Variants in NTM observed in about 807,000 individuals in gnomAD.
The protein encoded by NTM is neurotrimin.
A neutral mutation model predicts 42.1 loss-of-function variants in NTM; 13 were observed. The observed-to-expected ratio is 0.31, with a 90% CI of 0.20 to 0.49. NTM has a LOEUF of 0.49. Ranked by LOEUF, NTM falls within the 20% of genes least tolerant of loss-of-function variation. The pLI is 0.99. For missense variants in NTM, 373 were observed against 452.8 expected, an observed-to-expected ratio of 0.82 and a Z score of 1.60; for synonymous variants, 187 against 179.2, an observed-to-expected ratio of 1.04 and a Z score of -0.35.
chr11:132,090,138 A>C (rs1311636434), intron 2 of NTM, among the ~76,000 whole-genome samples: 4 of 152,212 alleles, frequency 2.6e-5, no homozygotes, highest in Non-Finnish European at 5.9e-5. Flanking sequence ...AAGGAAAGAC[A>C]GTTAAAAAGT....
intron 3 of NTM, among the ~76,000 whole-genome samples, chr11:132,149,231 C>CAAAAAAAAAAAA (rs59485155): frequency 2.0e-4 from 24 of 122,898 alleles, no homozygotes; most frequent in Non-Finnish European, 3.0e-4. Flanking sequence ...TCCTGGATTA[C>CAAAAAAAAAAAA]AAAAAAAAAA....
At chr11:132,267,852 A>C (rs920847717) in intron 4 of NTM, among the ~76,000 whole-genome samples, 1 of 152,004 alleles carries the variant, frequency 6.6e-6, no homozygotes, top group African/African-American at 2.4e-5. Flanking sequence ...AAAAAAAAAA[A>C]AACAAAAAAA....
rs151265121 is a variant in NTM, at chr11:131,578,537, A to G, written c.82+207649A>G. ...CAGAGACAGGGGAGCTACATACATA[A>G]AATAACTCTTTCATTCATTCTTTCT... is the stretch of plus-strand genomic sequence containing the variant. On this transcript the variant is annotated intron_variant, in intron 1 of 8. Transcript: ENST00000683400. Among the ~76,000 whole-genome samples, 25 of 152,298 alleles carry G rather than the reference A, an allele frequency of 1.6e-4. No homozygotes were observed. The East Asian group carries it at 4.5e-3, about 27-fold the overall frequency.
chr11:131,515,820 G>C (rs1355191135), intron 1 of NTM, among the ~76,000 whole-genome samples: 2 of 152,184 alleles, frequency 1.3e-5, no homozygotes, highest in African/African-American at 4.8e-5. Flanking sequence ...AAAGCTTCCT[G>C]TGGATGCCCA....
chr11:131,692,293 A>G (rs1304611521), intron 1 of NTM, among the ~76,000 whole-genome samples: 1 of 152,032 alleles, frequency 6.6e-6, no homozygotes, highest in African/African-American at 2.4e-5. Flanking sequence ...TGATGCTGAC[A>G]CAGGGCTAGC....
chr11:132,185,710 TA>T (rs1261083927), intron 3 of NTM, among the ~76,000 whole-genome samples: 1 of 152,136 alleles, frequency 6.6e-6, no homozygotes, highest in Non-Finnish European at 1.5e-5. Context: ...TTTTAAAAGA[TA>T]TGTTGGTTTA....
intron 1 of NTM, among the ~76,000 whole-genome samples, chr11:131,640,392 C>T (rs1466211731): frequency 6.6e-6 from 1 of 152,160 alleles, no homozygotes; most frequent in African/African-American, 2.4e-5. Context: ...TTCGTTCTTA[C>T]CTGTGGAAAG....
At chr11:131,483,424 C>CAAA (rs1953824856) in intron 1 of NTM, among the ~76,000 whole-genome samples, 1 of 151,964 alleles carries the variant, frequency 6.6e-6, no homozygotes. Context: ...AGGCCTAGTG[C>CAAA]CATAGAGCGA....
In NTM at chr11:131,712,826, A is replaced by ACC. The variant is rs145133444; in HGVS notation, c.83-198736_83-198735dup. ...TCAAACTCCTGAGTTCAAACAATCC[A>ACC]CCCACCTCAGGCTCCCAAATTCCTG... On this transcript the variant is annotated intron_variant, in intron 1 of 8. Coordinates refer to ENST00000683400, the MANE Select transcript of NTM (RefSeq NM_001352005.2). Among the ~76,000 whole-genome samples, 1,358 of 152,140 alleles carry ACC rather than the reference A, an allele frequency of 8.9e-3. 24 individuals carry two copies. Among genetic ancestry groups the ACC allele is most frequent in the African/African-American group, 0.027 (1,109 of 41,506 alleles).
intron 1 of NTM, among the ~76,000 whole-genome samples, chr11:131,377,570 C>T (rs1036721924): frequency 6.6e-6 from 1 of 152,216 alleles, no homozygotes; most frequent in Non-Finnish European, 1.5e-5. Context: ...TTTTAATTTG[C>T]TATCCAATCA....
At chr11:131,719,230 G>A (rs2078065845) in intron 1 of NTM, among the ~76,000 whole-genome samples, 1 of 152,086 alleles carries the variant, frequency 6.6e-6, no homozygotes, top group African/African-American at 2.4e-5. Context: ...TGTCTCTCTT[G>A]TTGTTCCTAA....
intron 3 of NTM, among the ~76,000 whole-genome samples, chr11:132,155,566 T>C (rs2073007523): frequency 6.6e-6 from 1 of 152,208 alleles, no homozygotes; most frequent in Non-Finnish European, 1.5e-5. Flanking sequence ...CTTTCTGGCC[T>C]TCTGACCTGG....
rs141809965 is a variant in NTM, at chr11:131,869,858, C to A, written c.83-41706C>A. 2.6e-5 allele frequency among the ~76,000 whole-genome samples: 4 copies of A among 152,322 alleles called. No individual in the cohort carries two copies. In the East Asian group the frequency reaches 7.7e-4, roughly 29 times the overall value. ...AACAGTTACTGCTCTGTGAGCACGG[C>A]TCTCACTCACCTTTCCTATGCCTTA... On this transcript the variant is annotated intron_variant, in intron 1 of 8. Transcript: ENST00000683400.
At chr11:131,633,836 G>A (rs758446552) in intron 1 of NTM, among the ~76,000 whole-genome samples, 4 of 145,326 alleles carry the variant, frequency 2.8e-5, no homozygotes, top group Non-Finnish European at 4.5e-5. Context: ...CAAACAGCTG[G>A]ACATAAAACC....
intron 1 of NTM, chr11:131,605,801 C>A (rs1176114308): frequency 4.1e-6 from 4 of 985,082 alleles, no homozygotes; most frequent in Non-Finnish European, 4.8e-6. Context: ...TCAGCTTCAA[C>A]AGTTCCTTGG....
chr11:132,224,007 G>C (rs1450853450), intron 4 of NTM, among the ~76,000 whole-genome samples: 1 of 152,196 alleles, frequency 6.6e-6, no homozygotes, highest in Non-Finnish European at 1.5e-5. Context: ...GAATCTTGAG[G>C]GACTCAGGAT....
chr11:131,817,714 C>T (rs2093007953), intron 1 of NTM, among the ~76,000 whole-genome samples: 1 of 152,210 alleles, frequency 6.6e-6, no homozygotes, highest in Non-Finnish European at 1.5e-5. Flanking sequence ...CACCTCCTTC[C>T]ACCCCTCTGG....
intron 1 of NTM, among the ~76,000 whole-genome samples, chr11:131,572,594 C>T (rs1020779402): frequency 2.6e-5 from 4 of 152,058 alleles, no homozygotes; most frequent in South Asian, 2.1e-4. Context: ...GATGACTGTG[C>T]GCGCATTGAA....
At chr11:132,204,605 T>G (rs180732575) in intron 3 of NTM, among the ~76,000 whole-genome samples, 1 of 151,638 alleles carries the variant, frequency 6.6e-6, no homozygotes, top group African/African-American at 2.4e-5. Context: ...AAGGATGGAG[T>G]CAAAGGTGGG....
Sources: gnomAD v4.1 joint callset for allele counts (sites outside exome capture counted in the v4.1 genomes callset) on GRCh38, gnomAD v4.1.1 for gene constraint, MANE v1.5 for transcripts, NCBI Gene and HGNC (gene_info 2026-07-23, HGNC 2026-07-21) for gene names.